The following DAB1 variants were observed in gnomAD, a reference collection of about 807,000 sequenced individuals.
DAB1 encodes DAB adaptor protein 1.
Under a neutral mutation model 64.6 loss-of-function variants are expected in DAB1, and 15 were observed. That is an observed-to-expected ratio of 0.23 (90% CI 0.16 to 0.36). The LOEUF (loss-of-function observed/expected upper bound fraction) is 0.36. Ranked by LOEUF, DAB1 falls within the 10% of genes least tolerant of loss-of-function variation. The pLI is 1.00. For synonymous variants in DAB1, 235 were observed against 251.9 expected, an observed-to-expected ratio of 0.93 and a Z score of 0.64; for missense variants, 596 against 706.7, an observed-to-expected ratio of 0.84 and a Z score of 1.78.
At chr1:57,909,436 T>A (rs1468075438) in intron 5 of DAB1, among the ~76,000 whole-genome samples, 1 of 152,120 alleles carries the variant, frequency 6.6e-6, no homozygotes, top group South Asian at 2.1e-4. Flanking sequence ...TGCGAGAGAG[T>A]CATGAATGTG....
At chr1:57,222,840 T>C (rs183545285) in intron 2 of DAB1, among the ~76,000 whole-genome samples, 1 of 152,378 alleles carries the variant, frequency 6.6e-6, no homozygotes, top group East Asian at 1.9e-4. Context: ...ATGGGAGTTA[T>C]GATAGGAATA....
At chr1:57,439,430 T>TTTTTTTTTTTG (rs1685838819) in intron 7 of DAB1, among the ~76,000 whole-genome samples, 2 of 129,516 alleles carry the variant, frequency 1.5e-5, no homozygotes, top group Admixed American at 7.4e-5. Context: ...TTTTTCTTTT[T>TTTTTTTTTTTG]TTTTTTTTTT....
At chr1:58,328,970 C>T (rs1662910681) in intron 4 of DAB1, among the ~76,000 whole-genome samples, 1 of 152,174 alleles carries the variant, frequency 6.6e-6, no homozygotes, top group Admixed American at 6.5e-5. Context: ...AATAACCACT[C>T]CTCCTTTGTG....
chr1:57,658,258 G>A (rs544309038), intron 6 of DAB1, among the ~76,000 whole-genome samples: 3 of 149,386 alleles, frequency 2.0e-5, no homozygotes, highest in African/African-American at 7.4e-5. Context: ...AGTGTCTATC[G>A]TTTTTGAATT....
chr1:57,963,477 C>T (rs1645576520), intron 5 of DAB1, among the ~76,000 whole-genome samples: 1 of 152,186 alleles, frequency 6.6e-6, no homozygotes, highest in African/African-American at 2.4e-5. Flanking sequence ...GTCTCTCTTG[C>T]TAATCTGTGA....
At chr1:57,364,644 G>T (rs1679823433) in intron 1 of DAB1, among the ~76,000 whole-genome samples, 2 of 151,808 alleles carry the variant, frequency 1.3e-5, no homozygotes. Flanking sequence ...CTGGATATTA[G>T]CCAAACATCC....
intron 6 of DAB1, among the ~76,000 whole-genome samples, chr1:57,686,916 T>C (rs1020675128): frequency 3.9e-5 from 6 of 152,148 alleles, no homozygotes; most frequent in African/African-American, 1.4e-4. Context: ...TAACTATCTA[T>C]GACAAACCCA....
intron 2 of DAB1, among the ~76,000 whole-genome samples, chr1:57,247,669 T>C (rs1668988652): frequency 6.6e-6 from 1 of 152,252 alleles, no homozygotes; most frequent in Non-Finnish European, 1.5e-5. Flanking sequence ...GGTACACAAC[T>C]AGCCTATATT....
chr1:58,354,879 T>TA (rs766515089), intron 3 of DAB1, among the ~76,000 whole-genome samples: 31 of 152,190 alleles, frequency 2.0e-4, no homozygotes, highest in Admixed American at 3.3e-4. Flanking sequence ...TAAACATGTG[T>TA]AACTTGCCCA....
intron 1 of DAB1, among the ~76,000 whole-genome samples, chr1:57,362,666 T>A (rs1400443947): frequency 6.6e-6 from 1 of 152,134 alleles, no homozygotes; most frequent in Non-Finnish European, 1.5e-5. Flanking sequence ...TTGAAGGCAC[T>A]ATCTTTAAAC....
chr1:57,752,761 C>T (rs945434719), intron 6 of DAB1, among the ~76,000 whole-genome samples: 3 of 152,134 alleles, frequency 2.0e-5, no homozygotes, highest in African/African-American at 7.2e-5. Context: ...GAGCCTCCCC[C>T]TTAACATCTG....
chr1:58,064,073 A>G (rs900941284), intron 5 of DAB1, among the ~76,000 whole-genome samples: 1 of 152,222 alleles, frequency 6.6e-6, no homozygotes, highest in African/African-American at 2.4e-5. Context: ...TTTATTCCTC[A>G]ACTGTTACAG....
chr1:58,390,235 C>A (rs1644465428), intron 3 of DAB1, among the ~76,000 whole-genome samples: 1 of 151,982 alleles, frequency 6.6e-6, no homozygotes, highest in Non-Finnish European at 1.5e-5. Flanking sequence ...CCCCACCCCA[C>A]CCCTACCCCC....
intron 7 of DAB1, among the ~76,000 whole-genome samples, chr1:57,483,725 T>C (rs1644053332): frequency 6.6e-6 from 1 of 152,176 alleles, no homozygotes; most frequent in Non-Finnish European, 1.5e-5. Flanking sequence ...TACCTGGAAA[T>C]GTCCTGCTTC....
chr1:57,000,581 T>G (rs1645820971), intron 14 of DAB1, among the ~76,000 whole-genome samples: 1 of 152,222 alleles, frequency 6.6e-6, no homozygotes, highest in Non-Finnish European at 1.5e-5. Context: ...CTATTTCAAA[T>G]ACATGTTGTA....
intron 1 of DAB1, among the ~76,000 whole-genome samples, chr1:58,538,478 T>C (rs2100491872): frequency 6.6e-6 from 1 of 150,640 alleles, no homozygotes; most frequent in East Asian, 1.9e-4. Flanking sequence ...TAAGATTTTG[T>C]AGTCATAAAT....
At chr1:57,868,824 T>C (rs922336309) in intron 1 of DAB1, among the ~76,000 whole-genome samples, 1 of 152,124 alleles carries the variant, frequency 6.6e-6, no homozygotes, top group African/African-American at 2.4e-5. Flanking sequence ...ACACTCTTCC[T>C]TATTGGTACC....
chr1:57,890,342 G>A (rs1299814430), intron 5 of DAB1, among the ~76,000 whole-genome samples: 6 of 152,030 alleles, frequency 3.9e-5, no homozygotes, highest in African/African-American at 9.6e-5. Context: ...TCTGCCACTG[G>A]GTCTGTGACC....
chr1:57,385,489 C>T (rs1041527371), intron 1 of DAB1, among the ~76,000 whole-genome samples: 1 of 152,152 alleles, frequency 6.6e-6, no homozygotes, highest in Admixed American at 6.5e-5. Context: ...ATTTACTTAG[C>T]AACTACCATA....
Sources: gnomAD v4.1 joint callset for allele counts (sites outside exome capture counted in the v4.1 genomes callset) on GRCh38, gnomAD v4.1.1 for gene constraint, MANE v1.5 for transcripts, NCBI Gene and HGNC (gene_info 2026-07-23, HGNC 2026-07-21) for gene names.